Variants in ATE1 observed in about 807,000 individuals in gnomAD.
ATE1 encodes the protein arginyl-tRNA--protein transferase 1.
A neutral mutation model predicts 70.5 loss-of-function variants in ATE1; 36 were observed. The observed-to-expected ratio is 0.51, with a 90% confidence interval of 0.39 to 0.67. The LOEUF (loss-of-function observed/expected upper bound fraction) is 0.67. Among genes scored for constraint, ATE1 ranks in the 30% least tolerant of loss-of-function variants. The pLI is 0.00. For missense variants in ATE1, 593 were observed against 629.5 expected, an observed-to-expected ratio of 0.94 and a Z score of 0.62; for synonymous variants, 232 against 219.3, an observed-to-expected ratio of 1.06 and a Z score of -0.51.
At chr10:121,810,730 T>A (rs1248522088) in intron 10 of ATE1, among the ~76,000 whole-genome samples, 1 of 151,986 alleles carries the variant, frequency 6.6e-6, no homozygotes, top group Non-Finnish European at 1.5e-5. Context: ...TGAGACAGAG[T>A]CTCACTGTGT....
chr10:121,818,797 T>C (rs998328299), intron 10 of ATE1, among the ~76,000 whole-genome samples: 1 of 152,180 alleles, frequency 6.6e-6, no homozygotes, highest in Non-Finnish European at 1.5e-5. Context: ...TCATTTTCCT[T>C]CACTTGAACC....
intron 11 of ATE1, among the ~76,000 whole-genome samples, chr10:121,771,571 T>A (rs531839402): frequency 6.6e-6 from 1 of 152,302 alleles, no homozygotes; most frequent in East Asian, 1.9e-4. Context: ...ACTCCAGACA[T>A]GAAACACACT....
intron 10 of ATE1, among the ~76,000 whole-genome samples, chr10:121,809,629 T>G (rs1947238492): frequency 6.6e-6 from 1 of 152,120 alleles, no homozygotes; most frequent in Non-Finnish European, 1.5e-5. Context: ...GTTGCTTTTG[T>G]ATAATTAATG....
rs189122048 is a variant in ATE1, at chr10:121,766,947, A to G, written c.1379-23089T>C. On this transcript the variant is annotated intron_variant, in intron 11 of 11. Coordinates refer to ENST00000224652, the MANE Select transcript of ATE1 (RefSeq NM_001001976.3). ...CCTTTCGGAGAATAAAAGAGGAGGA[A>G]ATCCAAACTAGACAAAGACAGTACA... is the stretch of plus-strand genomic sequence containing the variant. Among the ~76,000 whole-genome samples the G allele has an allele frequency of 6.3e-4, 96 of 152,368 alleles. 1 individual carries two copies. The highest frequency in any genetic ancestry group is 2.2e-3 in the African/African-American group (92 of 41,594).
intron 5 of ATE1, among the ~76,000 whole-genome samples, chr10:121,907,678 A>G (rs778683124): frequency 2.0e-5 from 3 of 151,970 alleles, no homozygotes; most frequent in Admixed American, 6.6e-5. Flanking sequence ...CTGAGTCAGG[A>G]GAATGGCGTG....
chr10:121,751,514 T>G (rs1024576727), intron 11 of ATE1, among the ~76,000 whole-genome samples: 1 of 152,274 alleles, frequency 6.6e-6, no homozygotes, highest in Non-Finnish European at 1.5e-5. Flanking sequence ...TCTTAGTCGG[T>G]GCATAGCAGT....
intron 5 of ATE1, among the ~76,000 whole-genome samples, chr10:121,908,977 A>G (rs1241327715): frequency 6.6e-6 from 1 of 152,210 alleles, no homozygotes; most frequent in Non-Finnish European, 1.5e-5. Context: ...GGGAATATCT[A>G]GAACAAAAGA....
chr10:121,801,461 C>T (rs56891413), intron 10 of ATE1, among the ~76,000 whole-genome samples: 4,931 of 152,066 alleles, frequency 0.032, 253 homozygotes, highest in African/African-American at 0.11. Flanking sequence ...AGTCAACTTA[C>T]GGCCCAAATT....
At chr10:121,761,600 A>G (rs1287581700) in intron 11 of ATE1, among the ~76,000 whole-genome samples, 2 of 152,134 alleles carry the variant, frequency 1.3e-5, no homozygotes. Flanking sequence ...CAGAACACAT[A>G]ATATCTCTAA....
intron 8 of ATE1, among the ~76,000 whole-genome samples, chr10:121,859,732 G>A (rs960290403): frequency 2.0e-5 from 3 of 151,784 alleles, no homozygotes; most frequent in Admixed American, 6.6e-5. Flanking sequence ...ACTTGAGGTC[G>A]GGAGTTCAAG....
chr10:121,887,150 G>A (rs1037310383), intron 7 of ATE1, among the ~76,000 whole-genome samples: 1 of 145,650 alleles, frequency 6.9e-6, no homozygotes, highest in Non-Finnish European at 1.5e-5. Flanking sequence ...AGCAAGCTGA[G>A]CCAAGATGAA....
In ATE1 at chr10:121,836,815, T is replaced by C. The variant is rs1316440357; in HGVS notation, c.1160A>G (p.Glu387Gly). ...LSLGVYSALR[E>G]IAFTRQLHEK... ...ATGAAGCTGCCTAGTAAAAGCAATT[T>C]CTCTGCGAAAAGAAAAAGAAGAAAG... is the stretch of plus-strand genomic sequence containing the variant. Residue 387 changes from glutamate (E) to glycine (G), a missense_variant and splice_region_variant, in exon 10 of 12, where the codon GAA becomes GGA. Physicochemically the swap from Glu to Gly is moderately conservative, Grantham distance 98. Transcript: ENST00000224652. The C allele has an allele frequency of 1.3e-6, 2 of 1,591,270 alleles. No individual in the cohort carries two copies.
At chr10:121,813,202 C>T (rs998205804) in intron 10 of ATE1, among the ~76,000 whole-genome samples, 1 of 152,342 alleles carries the variant, frequency 6.6e-6, no homozygotes, top group Non-Finnish European at 1.5e-5. Flanking sequence ...CTGAATTCTG[C>T]ATCACAACCC....
rs369054737 is a variant in ATE1, at chr10:121,790,962, A to ATATG, written c.1258-674_1258-673insCATA. On this transcript the variant is annotated intron_variant, in intron 10 of 11. Transcript: ENST00000224652. The stretch of plus-strand genomic sequence containing the variant: ...TGTACATATATATGTGTATATATAT[A>ATATG]TGTGTGTGTACATATATGTGTGTAT... 2.0e-3 allele frequency among the ~76,000 whole-genome samples: 303 copies of ATATG among 150,964 alleles called. 1 individual carries two copies. The highest frequency in any genetic ancestry group is 5.6e-3 in the African/African-American group (230 of 41,114).
chr10:121,820,378 ATAAT>A (rs796190573), intron 10 of ATE1, among the ~76,000 whole-genome samples: 24 of 152,366 alleles, frequency 1.6e-4, no homozygotes, highest in African/African-American at 5.0e-4. Context: ...AAATTTCTGC[ATAAT>A]TAAACAAACA....
chr10:121,785,752 T>C (rs1946178983), intron 11 of ATE1, among the ~76,000 whole-genome samples: 1 of 152,142 alleles, frequency 6.6e-6, no homozygotes, highest in African/African-American at 2.4e-5. Context: ...AAATTCACTA[T>C]CCTGGGTAAA....
chr10:121,859,723 C>G (rs980151394), intron 8 of ATE1, among the ~76,000 whole-genome samples: 12 of 152,002 alleles, frequency 7.9e-5, no homozygotes, highest in African/African-American at 2.7e-4. Flanking sequence ...GGGTGGATCA[C>G]TTGAGGTCGG....
chr10:121,924,448 C>A (rs1421083550), intron 1 of ATE1, 119 bp from the exon 2 acceptor site: 1 of 929,232 alleles, frequency 1.1e-6, no homozygotes, highest in Non-Finnish European at 1.7e-6. Context: ...TGCCTGTAAT[C>A]CCAGCACTCT....
intron 3 of ATE1, among the ~76,000 whole-genome samples, chr10:121,918,534 A>G (rs929688068): frequency 6.6e-6 from 1 of 152,134 alleles, no homozygotes; most frequent in African/African-American, 2.4e-5. Flanking sequence ...TTTTTCTTTA[A>G]CCAATCGAAA....
Sources: gnomAD v4.1 joint callset for allele counts (sites outside exome capture counted in the v4.1 genomes callset) on GRCh38, gnomAD v4.1.1 for gene constraint, MANE v1.5 for transcripts, NCBI Gene and HGNC (gene_info 2026-07-23, HGNC 2026-07-21) for gene names.